Variants in USP34 observed in about 807,000 individuals in gnomAD.
The protein encoded by USP34 is ubiquitin carboxyl-terminal hydrolase 34.
A neutral mutation model predicts 460.3 loss-of-function variants in USP34; 70 were observed. The observed-to-expected ratio is 0.15, with a 90% CI of 0.13 to 0.19. The LOEUF (loss-of-function observed/expected upper bound fraction) is 0.19, where lower values mean the gene tolerates loss of function less well. Among genes scored for constraint, USP34 ranks in the 10% least tolerant of loss-of-function variants. The probability of loss-of-function intolerance (pLI) is 1.00; values close to 1 mark genes in which losing one functional copy is unlikely to be tolerated. For synonymous variants in USP34, 1,647 were observed against 1,405.3 expected (o/e 1.17, Z -3.85); for missense variants, 3,985 against 4,236.2 (o/e 0.94, Z 1.65).
intron 51 of USP34, among the ~76,000 whole-genome samples, chr2:61,244,516 G>A (rs748432932): frequency 1.6e-4 from 24 of 151,832 alleles, no homozygotes; most frequent in Non-Finnish European, 3.1e-4. Flanking sequence ...TCCCGAGGCT[G>A]AGACTCGAGA....
chr2:61,456,334 T>G (rs1300561577), intron 1 of USP34, among the ~76,000 whole-genome samples: 1 of 152,204 alleles, frequency 6.6e-6, no homozygotes, highest in East Asian at 1.9e-4. Flanking sequence ...CCAATCAAAG[T>G]CCATCCTCTT....
At chr2:61,328,332 A>C (rs1049871945) in intron 20 of USP34, among the ~76,000 whole-genome samples, 3 of 151,904 alleles carry the variant, frequency 2.0e-5, no homozygotes, top group African/African-American at 7.2e-5. Flanking sequence ...AAAAAAAATA[A>C]TATAAAATCA....
rs540552042 is a variant in USP34, at chr2:61,267,685, C to T, written c.5434-1518G>A. Among the ~76,000 whole-genome samples the T allele has an allele frequency of 3.9e-5, 6 of 152,238 alleles. No individual in the cohort carries two copies. The East Asian group carries it at 1.2e-3, about 29-fold the overall frequency. ...CTGGAGTGCAGTGGCGCCATCTCGG[C>T]TCACCCCAAGCTCCACCTCCCGGGT... On this transcript the variant is annotated intron_variant, in intron 41 of 79. Coordinates refer to ENST00000398571, the MANE Select transcript of USP34 (RefSeq NM_014709.4).
rs1409954024 is a variant in USP34 at position 61,327,701 on chromosome 2, T to C, written c.2931-2244A>G. Among the ~76,000 whole-genome samples the C allele has an allele frequency of 2.0e-5, 3 of 152,304 alleles. No homozygotes were observed. In the East Asian group the frequency reaches 5.8e-4, roughly 29 times the overall value. On this transcript the variant is annotated intron_variant, in intron 20 of 79. Transcript: ENST00000398571. ...GTCTAGTCCCTTTGTACTCCCACAG[T>C]ATAGCCCCGATGCTGCACTTCAAAG...
In USP34 at chr2:61,380,142, AC is replaced by A. The variant is rs778948071; in HGVS notation, c.1014+26del. ...TAGACCAGAAAACAAATAAACGATG[AC>A]CAAAAATAAAACAAATACAGCTTAC... is the stretch of plus-strand genomic sequence containing the variant. On this transcript the variant is annotated intron_variant, in intron 7 of 79. Coordinates refer to ENST00000398571, the MANE Select transcript of USP34 (RefSeq NM_014709.4). 6 of 1,595,164 alleles carry A rather than the reference AC, an allele frequency of 3.8e-6. 1 individual carries two copies. The South Asian group carries it at 6.7e-5, about 18-fold the overall frequency.
At chr2:61,212,540 G>T (rs1428828670) in intron 68 of USP34, among the ~76,000 whole-genome samples, 5 of 152,152 alleles carry the variant, frequency 3.3e-5, no homozygotes, top group Non-Finnish European at 7.4e-5. Context: ...TCAATTTCCT[G>T]ATGAATAAAA....
At chr2:61,422,881 TC>T (rs1694403072) in intron 1 of USP34, among the ~76,000 whole-genome samples, 1 of 151,892 alleles carries the variant, frequency 6.6e-6, no homozygotes, top group Non-Finnish European at 1.5e-5. Context: ...ACACCTCTGG[TC>T]CCAGCTACTG....
chr2:61,389,907 G>T lies in USP34; in HGVS notation c.753+4946C>A, dbSNP rs1386523362. Among the ~76,000 whole-genome samples the T allele has an allele frequency of 2.0e-5, 3 of 151,808 alleles. No homozygotes were observed. In the East Asian group the frequency reaches 5.8e-4, roughly 29 times the overall value. ...CTCCCTGTAACTGCAGAAAAACAGC[G>T]TTCTGCATCAAACCTAGTTCTGACA... On this transcript the variant is annotated intron_variant, in intron 5 of 79. Transcript: ENST00000398571.
chr2:61,430,817 C>T (rs1358614461), intron 1 of USP34, among the ~76,000 whole-genome samples: 1 of 151,920 alleles, frequency 6.6e-6, no homozygotes, highest in Admixed American at 6.6e-5. Context: ...AGTTCAAGAC[C>T]ACCCTGGGCA....
chr2:61,379,845 T>C (rs1473437540), intron 7 of USP34, among the ~76,000 whole-genome samples: 1 of 152,268 alleles, frequency 6.6e-6, no homozygotes, highest in Non-Finnish European at 1.5e-5. Flanking sequence ...AATTAACTGC[T>C]TATAAAGCCC....
chr2:61,278,855 C>T (rs1322678969), intron 39 of USP34, among the ~76,000 whole-genome samples: 1 of 151,882 alleles, frequency 6.6e-6, no homozygotes, highest in East Asian at 1.9e-4. Context: ...ATGTAATTCA[C>T]ACACAATTCA....
At chr2:61,256,815 C>G in intron 47 of USP34, 58 bp downstream of exon 47, 1 of 1,306,776 alleles carries the variant, frequency 7.7e-7, no homozygotes, top group Non-Finnish European at 1.0e-6. Context: ...AACACAAACC[C>G]GCTATACACA....
At position 61,333,758 on chromosome 2, in the gene USP34, A is replaced by G. The variant is rs1054616349; in HGVS notation, c.2834+124T>C. 1.8e-5 allele frequency: 10 copies of G among 543,234 alleles called. No homozygotes were observed. In the African/African-American group the frequency reaches 2.0e-4, roughly 11 times the overall value. 33.7% of individuals were successfully genotyped at this position (543,234 alleles called of 1,614,324 possible). ...AAGTGGCAGAAAAATCTAAGAAAAC[A>G]AACCACATGAAACTCAAATTTTCCT... On this transcript the variant is annotated intron_variant, in intron 19 of 79. Transcript: ENST00000398571.
chr2:61,342,804 C>A (rs1691647286), intron 16 of USP34, among the ~76,000 whole-genome samples: 1 of 152,040 alleles, frequency 6.6e-6, no homozygotes, highest in Non-Finnish European at 1.5e-5. Flanking sequence ...GAAAAGAAAA[C>A]CATTTTGTTC....
At chr2:61,257,456 TAA>T in intron 44 of USP34, 106 bp from the exon 45 acceptor site, 2 of 873,506 alleles carry the variant, frequency 2.3e-6, no homozygotes, top group Non-Finnish European at 3.2e-6. Context: ...GTAAATCTAC[TAA>T]GTTAGTTTTA....
At chr2:61,263,768 C>T (rs558454880) in intron 43 of USP34, among the ~76,000 whole-genome samples, 117 of 152,270 alleles carry the variant, frequency 7.7e-4, no homozygotes, top group Middle Eastern at 3.4e-3. Flanking sequence ...AGGCGTGAGC[C>T]ACCACACCCC....
chr2:61,370,793 G>C (rs55746967), intron 8 of USP34, among the ~76,000 whole-genome samples: 4,477 of 152,188 alleles, frequency 0.029, 102 homozygotes, highest in Non-Finnish European at 0.045. Flanking sequence ...AACAAGCAAC[G>C]AATAACTGAA....
intron 51 of USP34, among the ~76,000 whole-genome samples, chr2:61,243,417 G>C (rs1284961143): frequency 6.6e-6 from 1 of 151,976 alleles, no homozygotes; most frequent in Non-Finnish European, 1.5e-5. Flanking sequence ...AACGTGCTGG[G>C]ATTACAGGCG....
chr2:61,339,991 GAGA>G lies in USP34; in HGVS notation c.2501-313_2501-311del, dbSNP rs201026025. On this transcript the variant is annotated intron_variant, in intron 16 of 79. Transcript: ENST00000398571. ...CAGCATGGCACAATACTTATGAGGAGAGAAGAATAGTGCCATTTAGATTTGATA... is the reference window on the plus strand; with the variant it reads ...CAGCATGGCACAATACTTATGAGGAGAGAATAGTGCCATTTAGATTTGATA... 2.5e-4 allele frequency among the ~76,000 whole-genome samples: 38 copies of G among 152,188 alleles called. 1 individual carries two copies. The East Asian group carries it at 6.9e-3, about 28-fold the overall frequency.
Sources: gnomAD v4.1 joint callset for allele counts (sites outside exome capture counted in the v4.1 genomes callset) on GRCh38, gnomAD v4.1.1 for gene constraint, MANE v1.5 for transcripts, NCBI Gene and HGNC (gene_info 2026-07-23, HGNC 2026-07-21) for gene names.